The following ENOX1 variants were observed in gnomAD, a reference collection of about 807,000 sequenced individuals.
The protein encoded by ENOX1 is ecto-NOX disulfide-thiol exchanger 1.
In ENOX1, 42 loss-of-function variants were observed where a neutral mutation model predicts 82.5. That is an observed-to-expected ratio of 0.51 (90% CI 0.40 to 0.66). ENOX1 has a LOEUF of 0.66. ENOX1 is among the 30% of genes least tolerant of loss of function. The probability of loss-of-function intolerance (pLI) is 0.00; values close to 1 mark genes in which losing one functional copy is unlikely to be tolerated. For missense variants in ENOX1, 608 were observed against 811.6 expected (o/e 0.75, Z 3.05); for synonymous variants, 271 against 282.2 (o/e 0.96, Z 0.40).
chr13:43,345,023 G>A (rs2049295757), intron 8 of ENOX1, among the ~76,000 whole-genome samples: 1 of 152,134 alleles, frequency 6.6e-6, no homozygotes, highest in Non-Finnish European at 1.5e-5. Context: ...GGCATTCTTA[G>A]GAATAAGGTA....
At chr13:43,323,760 A>G (rs1466472390) in intron 10 of ENOX1, among the ~76,000 whole-genome samples, 1 of 152,250 alleles carries the variant, frequency 6.6e-6, no homozygotes, top group Non-Finnish European at 1.5e-5. Flanking sequence ...CTAAATTACT[A>G]CAACTGATTT....
At chr13:43,356,228 C>A in intron 7 of ENOX1, 76 bp from the exon 8 acceptor site, 1 of 1,301,368 alleles carries the variant, frequency 7.7e-7, no homozygotes, top group South Asian at 1.4e-5. Flanking sequence ...TCAAGGCACG[C>A]TTAGGCAAAT....
intron 3 of ENOX1, among the ~76,000 whole-genome samples, chr13:43,471,551 C>T (rs2058067010): frequency 6.6e-6 from 1 of 152,080 alleles, no homozygotes; most frequent in South Asian, 2.1e-4. Flanking sequence ...TGGCTCACAC[C>T]TGTAATCCCA....
At chr13:43,740,443 T>C (rs1363380413) in intron 1 of ENOX1, among the ~76,000 whole-genome samples, 5 of 152,304 alleles carry the variant, frequency 3.3e-5, no homozygotes, top group African/African-American at 1.2e-4. Context: ...CACAGAGTTG[T>C]ACAATCATGA....
chr13:43,327,109 T>C (rs2048158127), intron 9 of ENOX1, among the ~76,000 whole-genome samples: 1 of 152,174 alleles, frequency 6.6e-6, no homozygotes, highest in African/African-American at 2.4e-5. Flanking sequence ...TTCCTCCCCC[T>C]GTTGCACTGA....
At chr13:43,467,270 C>T (rs974454495) in intron 3 of ENOX1, among the ~76,000 whole-genome samples, 1 of 152,168 alleles carries the variant, frequency 6.6e-6, no homozygotes, top group Admixed American at 6.5e-5. Flanking sequence ...TCTGTCAACA[C>T]TGTTATTGTC....
chr13:43,768,830 G>A (rs775266952), intron 1 of ENOX1, among the ~76,000 whole-genome samples: 1 of 152,044 alleles, frequency 6.6e-6, no homozygotes. Flanking sequence ...TTGTCAATCC[G>A]ATTTCCTCGT....
intron 2 of ENOX1, among the ~76,000 whole-genome samples, chr13:43,535,209 G>A (rs79769053): frequency 0.016 from 2,471 of 152,256 alleles, 71 homozygotes; most frequent in African/African-American, 0.056. Flanking sequence ...TCATTATCAT[G>A]AAAGACTTAA....
chr13:43,360,012 G>T lies in ENOX1; in HGVS notation c.428C>A (p.Thr143Asn). 1 of 1,614,184 alleles carries T rather than the reference G, an allele frequency of 6.2e-7. No individual in the cohort carries two copies. Among genetic ancestry groups the T allele is most frequent in the Non-Finnish European group, 8.5e-7 (1 of 1,180,042 alleles). ...STRERPPGCKTVFVGGLPENA... is the reference protein window; with the variant it reads ...STRERPPGCKNVFVGGLPENA... The stretch of plus-strand genomic sequence containing the variant: ...TTCTGGTAATCCTCCGACAAACACG[G>T]TCTTACACCCAGGAGGTCGTTCTCT... The change falls in exon 7 of 17, where the codon ACC becomes AAC. Residue 143 changes from threonine to asparagine, a missense_variant. Physicochemically the swap from Thr to Asn is moderately conservative, Grantham distance 65. Coordinates refer to ENST00000690772, the MANE Select transcript of ENOX1 (RefSeq NM_001347969.2).
At chr13:43,718,820 C>A (rs2088349455) in intron 1 of ENOX1, among the ~76,000 whole-genome samples, 1 of 151,570 alleles carries the variant, frequency 6.6e-6, no homozygotes, top group African/African-American at 2.4e-5. Context: ...AGGTATTCTA[C>A]TGTGTCCTTT....
intron 3 of ENOX1, among the ~76,000 whole-genome samples, chr13:43,433,252 TC>T (rs1309708908): frequency 6.6e-6 from 1 of 152,114 alleles, no homozygotes; most frequent in Non-Finnish European, 1.5e-5. Context: ...CTCAGGGGCA[TC>T]CTTTTTATAA....
chr13:43,771,858 G>A (rs1951630594), intron 1 of ENOX1, among the ~76,000 whole-genome samples: 1 of 151,518 alleles, frequency 6.6e-6, no homozygotes, highest in South Asian at 2.1e-4. Flanking sequence ...TCCACCTTCC[G>A]GGTTCACGCC....
At chr13:43,261,446 C>A (rs2044053816) in intron 14 of ENOX1, among the ~76,000 whole-genome samples, 1 of 152,116 alleles carries the variant, frequency 6.6e-6, no homozygotes. Flanking sequence ...TGAGATGCAA[C>A]CAAGATTTAT....
chr13:43,587,595 A>T (rs1366934833), intron 2 of ENOX1, among the ~76,000 whole-genome samples: 5 of 152,180 alleles, frequency 3.3e-5, no homozygotes, highest in African/African-American at 1.2e-4. Context: ...AGGATAGTCT[A>T]TCAGTATATT....
intron 3 of ENOX1, among the ~76,000 whole-genome samples, chr13:43,419,819 G>T (rs2054866541): frequency 6.6e-6 from 1 of 151,958 alleles, no homozygotes. Flanking sequence ...GAAAATACAA[G>T]AATTAGCCGG....
chr13:43,505,576 T>C (rs933440055), intron 2 of ENOX1, among the ~76,000 whole-genome samples: 12 of 152,196 alleles, frequency 7.9e-5, no homozygotes, highest in African/African-American at 2.9e-4. Flanking sequence ...TCTGTTTATA[T>C]CCTTCGCCCA....
chr13:43,656,263 T>C (rs2084427177), intron 2 of ENOX1, among the ~76,000 whole-genome samples: 1 of 152,232 alleles, frequency 6.6e-6, no homozygotes. Flanking sequence ...AACAGTTAGA[T>C]GCCATTCTAG....
chr13:43,737,017 T>TG (rs2153824815), intron 1 of ENOX1, among the ~76,000 whole-genome samples: 1 of 152,332 alleles, frequency 6.6e-6, no homozygotes, highest in South Asian at 2.1e-4. Flanking sequence ...CTGCCATAGA[T>TG]GATTTCCAGT....
rs915597566 is a variant in ENOX1, at chr13:43,772,199, A to G, written c.-285+14453T>C. 2.6e-5 allele frequency among the ~76,000 whole-genome samples: 4 copies of G among 152,120 alleles called. 1 individual carries two copies. The East Asian group carries it at 7.7e-4, about 29-fold the overall frequency. On this transcript the variant is annotated intron_variant, in intron 1 of 16. Transcript: ENST00000690772. Reference sequence around the variant, plus strand: ...TACAATAAATTACTACACTACTTACATGGTATTTCATGATACTGGCATTAT... The same window carrying G: ...TACAATAAATTACTACACTACTTACGTGGTATTTCATGATACTGGCATTAT...
Sources: allele counts gnomAD v4.1 joint callset (sites outside exome capture counted in the v4.1 genomes callset), GRCh38; gene constraint gnomAD v4.1.1; transcripts MANE v1.5; gene names NCBI Gene and HGNC (gene_info 2026-07-23, HGNC 2026-07-21).